PLEKHG5: variants seen among roughly 807,000 people sequenced by gnomAD.
The protein encoded by PLEKHG5 is pleckstrin homology domain-containing family G member 5.
In PLEKHG5, 52 loss-of-function variants were observed where a neutral mutation model predicts 103.8. The observed-to-expected ratio is 0.50, with a 90% confidence interval of 0.40 to 0.63. PLEKHG5 has a LOEUF of 0.63. Among genes scored for constraint, PLEKHG5 ranks in the 30% least tolerant of loss-of-function variants. PLEKHG5 has a pLI of 0.00. For synonymous variants in PLEKHG5, 592 were observed against 575.5 expected (o/e 1.03, Z -0.41); for missense variants, 1,205 against 1,347.6 (o/e 0.89, Z 1.66).
rs1298012548 is a variant in PLEKHG5 at position 6,467,309 on chromosome 1, G to C, written c.*254C>G. ...CCTAGGAGCCCAGCCCTGAAGACTC[G>C]AGCTGAGCTGGTAACTTCGGGGAGT... On this transcript the variant is annotated 3_prime_UTR_variant, in exon 21 of 21. Coordinates refer to ENST00000377728, the MANE Select transcript of PLEKHG5 (RefSeq NM_020631.6). 2 of 614,486 alleles carry C rather than the reference G, an allele frequency of 3.3e-6. No homozygotes were observed. Among genetic ancestry groups the C allele is most frequent in the African/African-American group, 3.6e-5 (2 of 55,048 alleles). 38.1% of individuals were successfully genotyped at this position (614,486 alleles called of 1,614,324 possible).
chr1:6,497,210 G>A (rs1197509837), upstream of PLEKHG5: 9 of 864,392 alleles, frequency 1.0e-5, no homozygotes, highest in Middle Eastern at 3.1e-4. The surrounding 1 kb of genome is among the most constrained non-coding windows in gnomAD (Gnocchi z 6.1). Context: ...CCGAAGCCCG[G>A]TCGGCGCCCA....
At position 6,469,637 on chromosome 1, in the gene PLEKHG5, C is replaced by A. The variant is rs752514480; in HGVS notation, c.1840G>T (p.Val614Leu). 1.5e-5 allele frequency: 25 copies of A among 1,613,598 alleles called. No homozygotes were observed. The Admixed American group carries it at 3.8e-4, about 25-fold the overall frequency. ...YCFLFTDLLL[V>L]TKAVKKAERT... is the part of the protein sequence containing the mutation. ...TCTGCCTTCTTCACTGCTTTGGTCACCAACAGCAGATCCGTGAAGAGGAAG... is the reference window on the plus strand; with the variant it reads ...TCTGCCTTCTTCACTGCTTTGGTCAACAACAGCAGATCCGTGAAGAGGAAG... Residue 614 changes from valine (V) to leucine (L), a missense_variant, in exon 17 of 21, where the codon GTG becomes TTG. Physicochemically the swap from Val to Leu is conservative, Grantham distance 32. Transcript: ENST00000377728.
chr1:6,517,224 A>G (rs1638650478), intron 1 of PLEKHG5, among the ~76,000 whole-genome samples: 1 of 150,628 alleles, frequency 6.6e-6, no homozygotes, highest in South Asian at 2.1e-4. Flanking sequence ...GAAGAATGGC[A>G]TGAACCTGAG....
chr1:6,471,652 A>C lies in PLEKHG5; in HGVS notation c.1132-15T>G. The stretch of plus-strand genomic sequence containing the variant: ...TCCGCCTCCACCTGGGCGCGGCGGG[A>C]GGTGCGGTTGGCCACGCCCCTCCGC... On this transcript the variant is annotated splice_polypyrimidine_tract_variant and intron_variant, in intron 11 of 20. Transcript: ENST00000377728. The C allele has an allele frequency of 1.3e-6, 2 of 1,569,812 alleles. No individual in the cohort carries two copies. The highest frequency in any genetic ancestry group is 1.4e-5 in the African/African-American group (1 of 73,976).
chr1:6,517,474 G>T (rs1638657644), intron 1 of PLEKHG5, among the ~76,000 whole-genome samples: 1 of 152,066 alleles, frequency 6.6e-6, no homozygotes, highest in Non-Finnish European at 1.5e-5. Context: ...GCAGGGCCAG[G>T]CTTATTTAAT....
rs760118221 is a variant in PLEKHG5, at chr1:6,474,054, G to A, written c.550C>T (p.Arg184Cys). The change falls in exon 7 of 21, where the codon CGT becomes TGT. Residue 184 changes from arginine to cysteine, a missense_variant. Coordinates refer to ENST00000377728, the MANE Select transcript of PLEKHG5 (RefSeq NM_020631.6). Reference protein sequence around the residue: ...PAGTGPPALERVDAQSRRESL... With the variant: ...PAGTGPPALECVDAQSRRESL... ...TCCCGGCGGCTCTGGGCGTCCACAC[G>A]CTCCAGGGCGGGGGGCCCGGTCCCA... The A allele has an allele frequency of 1.1e-5, 15 of 1,413,178 alleles. 1 individual carries two copies. In the South Asian group the frequency reaches 1.1e-4, roughly 11 times the overall value. The allele number at this position is 1,413,178 out of a possible 1,614,324, so 87.5% of individuals were successfully genotyped here. A position where few individuals can be genotyped will look rare whatever the true frequency, so the allele number is the denominator to read the frequency against.
intron 1 of PLEKHG5, among the ~76,000 whole-genome samples, chr1:6,512,751 C>T (rs757769369): frequency 6.6e-6 from 1 of 152,246 alleles, no homozygotes; most frequent in African/African-American, 2.4e-5. Context: ...CACATTTACC[C>T]CCTCCAACAC....
At chr1:6,471,682 T>G in intron 11 of PLEKHG5, 45 bp from the exon 12 acceptor site, 1 of 1,571,578 alleles carries the variant, frequency 6.4e-7, no homozygotes, top group Non-Finnish European at 8.6e-7. Flanking sequence ...CTCCGCCAGG[T>G]TAGCCCCGCC....
intron 16 of PLEKHG5, 21 bp downstream of exon 16, chr1:6,470,215 G>A: frequency 1.2e-6 from 2 of 1,613,306 alleles, no homozygotes; most frequent in Non-Finnish European, 1.7e-6. Flanking sequence ...GGGCACAGGG[G>A]TGGGGTGGCC....
Position 6,511,474 on chromosome 1 carries a change from G to T in PLEKHG5, c.-165+7971C>A, listed in dbSNP as rs190603343. Among the ~76,000 whole-genome samples, 536 of 152,360 alleles carry T rather than the reference G, an allele frequency of 3.5e-3. 4 individuals are homozygous for T. The highest frequency in any genetic ancestry group is 0.02 in the Middle Eastern group (6 of 294). On this transcript the variant is annotated intron_variant, in intron 1 of 21. Coordinates refer to the PLEKHG5 transcript ENST00000377740. Reference sequence around the variant, plus strand: ...ATGAAAGGACCCCGCTTGGAGCCTGGCAAGCCCGAGAGAAACGTCTGAAGG... The same window carrying T: ...ATGAAAGGACCCCGCTTGGAGCCTGTCAAGCCCGAGAGAAACGTCTGAAGG...
chr1:6,471,969 G>C (rs1207925650), intron 10 of PLEKHG5, among the ~76,000 whole-genome samples, 161 bp from the exon 11 acceptor site: 1 of 152,216 alleles, frequency 6.6e-6, no homozygotes, highest in African/African-American at 2.4e-5. Context: ...CTTCGCACCT[G>C]GGTAGTCCAG....
At position 6,486,864 on chromosome 1, in the gene PLEKHG5, T is replaced by A. The variant is rs1293922852; in HGVS notation, c.-88+4773A>T. Among the ~76,000 whole-genome samples, 1 of 152,158 alleles carries A rather than the reference T, an allele frequency of 6.6e-6. No individual in the cohort carries two copies. Among genetic ancestry groups the A allele is most frequent in the South Asian group, 2.1e-4 (1 of 4,828 alleles). ...GTGGCTCTGGGATTCTGGGATGGCCTCCTTGGGACACTCCTCAGAACCCAT... is the reference window on the plus strand; with the variant it reads ...GTGGCTCTGGGATTCTGGGATGGCCACCTTGGGACACTCCTCAGAACCCAT... On this transcript the variant is annotated intron_variant, in intron 1 of 20. Coordinates refer to ENST00000377728, the MANE Select transcript of PLEKHG5 (RefSeq NM_020631.6). The surrounding 1 kb of genome is among the most constrained non-coding windows in gnomAD (Gnocchi z 5.3).
chr1:6,473,990 CTGACA>C lies in PLEKHG5; in HGVS notation c.591+18_591+22del. 4.5e-6 allele frequency: 7 copies of C among 1,551,458 alleles called. No individual in the cohort carries two copies. Among genetic ancestry groups the C allele is most frequent in the African/African-American group, 1.4e-5 (1 of 73,470 alleles). On this transcript the variant is annotated intron_variant, in intron 7 of 20. Transcript: ENST00000377728. ...CCTGGGCCCCTTCCCACCCCCTCCC[CTGACA>C]CACCCCCTCCTCCTCACCAAGATGT...
upstream of PLEKHG5, chr1:6,497,392 G>T: frequency 9.5e-7 from 1 of 1,054,628 alleles, no homozygotes; most frequent in Non-Finnish European, 1.1e-6. The surrounding 1 kb of genome is among the most constrained non-coding windows in gnomAD (Gnocchi z 6.1). Flanking sequence ...GGGACTGGGA[G>T]GCCGCAGAGC....
intron 1 of PLEKHG5, among the ~76,000 whole-genome samples, chr1:6,484,181 G>C (rs988026473): frequency 6.6e-6 from 1 of 152,198 alleles, no homozygotes; most frequent in Admixed American, 6.5e-5. Context: ...CCTTACGGAA[G>C]AGTCAGTATT....
At chr1:6,518,812 G>A (rs1203681203) in intron 1 of PLEKHG5, among the ~76,000 whole-genome samples, 1 of 152,150 alleles carries the variant, frequency 6.6e-6, no homozygotes, top group Non-Finnish European at 1.5e-5. Context: ...CAGCAGCAAA[G>A]CCAACCTGCC....
At chr1:6,518,299 G>A (rs1399169348) in intron 1 of PLEKHG5, among the ~76,000 whole-genome samples, 4 of 150,880 alleles carry the variant, frequency 2.7e-5, no homozygotes, top group East Asian at 4.0e-4. Flanking sequence ...GGTGGCTCAC[G>A]CCTGTAATCC....
chr1:6,469,245 C>T lies in PLEKHG5; in HGVS notation c.2050-4G>A, dbSNP rs1644493777. On this transcript the variant is annotated splice_polypyrimidine_tract_variant and splice_region_variant and intron_variant, in intron 18 of 20. Transcript: ENST00000377728. ...CACGCAGCTGTTGCAGCTGGTTCTG[C>T]AGGCAAGGTTGGGGTACATGGGACA... 1 of 1,613,936 alleles carries T rather than the reference C, an allele frequency of 6.2e-7. No individual in the cohort carries two copies. The highest frequency in any genetic ancestry group is 1.1e-5 in the South Asian group (1 of 91,088).
At chr1:6,506,357 C>T (rs1422515909) in intron 1 of PLEKHG5, among the ~76,000 whole-genome samples, 1 of 152,156 alleles carries the variant, frequency 6.6e-6, no homozygotes, top group Admixed American at 6.5e-5. Context: ...ATGGCCAGGG[C>T]CCCGGCCCCA....
Sources: gnomAD v4.1 joint callset for allele counts (sites outside exome capture counted in the v4.1 genomes callset) on GRCh38, gnomAD v4.1.1 for gene constraint, Gnocchi (gnomAD v3.1) non-coding constraint, MANE v1.5 for transcripts, NCBI Gene and HGNC (gene_info 2026-07-23, HGNC 2026-07-21) for gene names.